The following PALLD variants were observed in gnomAD, a reference collection of about 807,000 sequenced individuals.
PALLD encodes palladin, cytoskeletal associated protein, also known as palladin.
Under a neutral mutation model 123.5 loss-of-function variants are expected in PALLD, and 61 were observed. That is an observed-to-expected ratio of 0.49 (90% CI 0.40 to 0.61). PALLD has a LOEUF of 0.61. Among genes scored for constraint, PALLD ranks in the 20% least tolerant of loss-of-function variants. The pLI, the probability that PALLD is intolerant of heterozygous loss-of-function variation, is 0.00. For missense variants in PALLD, 1,273 were observed against 1,377.0 expected, an observed-to-expected ratio of 0.92 and a Z score of 1.20; for synonymous variants, 465 against 496.4, an observed-to-expected ratio of 0.94 and a Z score of 0.84.
chr4:168,834,445 A>AAGGTAACAATAGGCCGGGC (rs1378033539), intron 10 of PALLD, among the ~76,000 whole-genome samples: 6 of 152,126 alleles, frequency 3.9e-5, no homozygotes. Context: ...AATATTTTTA[A>AAGGTAACAATAGGCCGGGC]AGGTAACAAT....
At chr4:168,752,638 G>A (rs2150391714) in intron 10 of PALLD, among the ~76,000 whole-genome samples, 1 of 152,114 alleles carries the variant, frequency 6.6e-6, no homozygotes, top group South Asian at 2.1e-4. Context: ...TTTTTATTCT[G>A]TTTCCACAGA....
At chr4:168,505,959 A>T (rs944026105) in intron 1 of PALLD, 14 of 152,236 alleles carry the variant, frequency 9.2e-5, no homozygotes, top group African/African-American at 3.4e-4. Flanking sequence ...GTTCAAAAAA[A>T]CAAAGACAAT....
chr4:168,510,763 T>A (rs556626002), intron 1 of PALLD, among the ~76,000 whole-genome samples: 4 of 152,314 alleles, frequency 2.6e-5, no homozygotes, highest in East Asian at 3.9e-4. Flanking sequence ...CTTTGGCTGG[T>A]TTCATGCTCA....
chr4:168,771,567 C>G (rs1474697892), intron 10 of PALLD, among the ~76,000 whole-genome samples: 1 of 151,936 alleles, frequency 6.6e-6, no homozygotes, highest in African/African-American at 2.4e-5. Context: ...GATTGCCAGT[C>G]TGGGCATTGA....
intron 10 of PALLD, chr4:168,712,213 T>A: frequency 2.0e-6 from 1 of 503,870 alleles, no homozygotes; most frequent in Non-Finnish European, 3.6e-6. Context: ...ATGTAGCCAC[T>A]CCCTGGAGGC....
intron 10 of PALLD, among the ~76,000 whole-genome samples, chr4:168,807,615 G>T (rs2150720107): frequency 6.6e-6 from 1 of 151,954 alleles, no homozygotes; most frequent in Non-Finnish European, 1.5e-5. Flanking sequence ...CTCCATGTTG[G>T]TCAGGCTGGT....
At chr4:168,554,963 G>T (rs1386021743) in intron 2 of PALLD, among the ~76,000 whole-genome samples, 1 of 152,054 alleles carries the variant, frequency 6.6e-6, no homozygotes, top group Non-Finnish European at 1.5e-5. Context: ...ACATTAAAAT[G>T]GAAACAATGT....
At chr4:168,755,461 G>A (rs1418790241) in intron 10 of PALLD, among the ~76,000 whole-genome samples, 1 of 152,104 alleles carries the variant, frequency 6.6e-6, no homozygotes, top group Non-Finnish European at 1.5e-5. Flanking sequence ...TTAAGAGTAA[G>A]AGATGAGAGA....
chr4:168,541,443 TTTTATTTA>T (rs60488300), intron 2 of PALLD, among the ~76,000 whole-genome samples: 132 of 147,772 alleles, frequency 8.9e-4, no homozygotes, highest in African/African-American at 1.9e-3. Flanking sequence ...CTCTCACTCA[TTTTATTTA>T]TTTATTTATT....
chr4:168,816,142 T>C (rs927100509), intron 10 of PALLD, among the ~76,000 whole-genome samples: 5 of 152,184 alleles, frequency 3.3e-5, no homozygotes, highest in African/African-American at 1.2e-4. Context: ...AACACTGCTC[T>C]GTGTTATTGG....
At chr4:168,606,715 T>C (rs1580544423) in intron 2 of PALLD, among the ~76,000 whole-genome samples, 1 of 145,664 alleles carries the variant, frequency 6.9e-6, no homozygotes, top group South Asian at 2.2e-4. Flanking sequence ...AGTTTCCTCA[T>C]ATAAACTACA....
In PALLD at chr4:168,851,879, C is replaced by T. The variant is rs76395295; in HGVS notation, c.1965-39043C>T. Among the ~76,000 whole-genome samples, 553 of 152,178 alleles carry T rather than the reference C, an allele frequency of 3.6e-3. 2 individuals carry two copies. Among genetic ancestry groups the T allele is most frequent in the African/African-American group, 0.012 (499 of 41,504 alleles). Reference sequence around the variant, plus strand: ...TTTCAGGTCTCCTGGAAATGTGCTGCGATTTTCTGAAAATTAGAGGCAACA... The same window carrying T: ...TTTCAGGTCTCCTGGAAATGTGCTGTGATTTTCTGAAAATTAGAGGCAACA... On this transcript the variant is annotated intron_variant, in intron 10 of 21. Transcript: ENST00000505667.
intron 3 of PALLD, among the ~76,000 whole-genome samples, chr4:168,673,003 G>T (rs1330471858): frequency 6.6e-6 from 1 of 152,014 alleles, no homozygotes; most frequent in Admixed American, 6.6e-5. Context: ...ATCATCACTG[G>T]GGCAGCTACA....
chr4:168,656,654 A>C (rs1298453597), intron 2 of PALLD, among the ~76,000 whole-genome samples: 2 of 152,140 alleles, frequency 1.3e-5, no homozygotes, highest in Admixed American at 6.5e-5. Flanking sequence ...TATTTATTTC[A>C]TCCTCAGAAA....
chr4:168,506,562 T>C (rs1762026973), intron 1 of PALLD, among the ~76,000 whole-genome samples: 1 of 152,158 alleles, frequency 6.6e-6, no homozygotes, highest in South Asian at 2.1e-4. Flanking sequence ...TCATCCCCGC[T>C]TTTTTACATT....
intron 1 of PALLD, among the ~76,000 whole-genome samples, chr4:168,502,860 T>C (rs914736425): frequency 4.6e-5 from 7 of 152,156 alleles, no homozygotes; most frequent in Non-Finnish European, 8.8e-5. Context: ...GCTATGATCA[T>C]GCCATTGCAG....
chr4:168,541,254 A>G (rs1204147564), intron 2 of PALLD, among the ~76,000 whole-genome samples: 2 of 152,100 alleles, frequency 1.3e-5, no homozygotes, highest in Non-Finnish European at 2.9e-5. Flanking sequence ...TCGGGTTTTT[A>G]CTTGGTTTCT....
intron 3 of PALLD, among the ~76,000 whole-genome samples, chr4:168,673,312 AAG>A (rs1268745097): frequency 3.3e-5 from 5 of 152,216 alleles, no homozygotes; most frequent in Non-Finnish European, 7.3e-5. Context: ...GCCTGCTCCA[AAG>A]AGATGACATT....
chr4:168,597,009 G>A (rs192754921), intron 2 of PALLD, among the ~76,000 whole-genome samples: 7 of 151,832 alleles, frequency 4.6e-5, no homozygotes, highest in East Asian at 1.9e-4. Flanking sequence ...AAAAAATTAC[G>A]CCATAAGCAA....
Sources: allele counts gnomAD v4.1 joint callset (sites outside exome capture counted in the v4.1 genomes callset), GRCh38; gene constraint gnomAD v4.1.1; transcripts MANE v1.5; gene names NCBI Gene and HGNC (gene_info 2026-07-23, HGNC 2026-07-21).